Variants in PLA2R1 observed in about 807,000 individuals in gnomAD.
PLA2R1 encodes phospholipase A2 receptor 1, also known as secretory phospholipase A2 receptor.
PLA2R1 carries 158 observed loss-of-function variants against 195.9 expected under a neutral mutation model. That is an observed-to-expected ratio of 0.81 (90% CI 0.71 to 0.92). The LOEUF (loss-of-function observed/expected upper bound fraction) is 0.92, where lower values mean the gene tolerates loss of function less well. PLA2R1 is among the 40% of genes least tolerant of loss of function. The pLI is 0.00. For synonymous variants in PLA2R1, 586 were observed against 598.2 expected (o/e 0.98, Z 0.30); for missense variants, 1,626 against 1,764.6 (o/e 0.92, Z 1.41).
intron 1 of PLA2R1, among the ~76,000 whole-genome samples, chr2:160,047,746 T>C (rs1303613351): frequency 6.6e-6 from 1 of 152,156 alleles, no homozygotes; most frequent in Non-Finnish European, 1.5e-5. Flanking sequence ...TGACAAGCAG[T>C]GTGTAGATGC....
At chr2:160,036,865 A>C (rs1420582664) in intron 3 of PLA2R1, among the ~76,000 whole-genome samples, 2 of 151,442 alleles carry the variant, frequency 1.3e-5, no homozygotes, top group Non-Finnish European at 3.0e-5. Flanking sequence ...CTGACCCTCG[A>C]TGGCTGTGCT....
rs1686889017 is a variant in PLA2R1 at position 159,937,482 on chromosome 2, T to C, written c.*4296A>G. On this transcript the variant is annotated 3_prime_UTR_variant, in exon 30 of 30. Coordinates refer to ENST00000283243, the MANE Select transcript of PLA2R1 (RefSeq NM_007366.5). The stretch of plus-strand genomic sequence containing the variant: ...AACCAATGAGCCAAATAAAAAAAAC[T>C]TCAGAAAAGGTCTGAATTCATTTTT... 6.6e-6 allele frequency: 1 copy of C among 152,170 alleles called. No homozygotes were observed. Among genetic ancestry groups the C allele is most frequent in the South Asian group, 2.1e-4 (1 of 4,828 alleles). 9.4% of individuals were successfully genotyped at this position (152,170 alleles called of 1,614,324 possible). A position where few individuals can be genotyped will look rare whatever the true frequency, so the allele number is the denominator to read the frequency against.
At chr2:159,963,870 C>T (rs943372664) in intron 20 of PLA2R1, among the ~76,000 whole-genome samples, 6 of 152,166 alleles carry the variant, frequency 3.9e-5, no homozygotes, top group Middle Eastern at 3.4e-3. Context: ...CAATTCTATT[C>T]GTAGGTATAC....
In PLA2R1 at chr2:160,005,724, C is replaced by T. The variant is rs762307304; in HGVS notation, c.1762G>A (p.Glu588Lys). 3 of 1,613,788 alleles carry T rather than the reference C, an allele frequency of 1.9e-6. No individual in the cohort carries two copies. The highest frequency in any genetic ancestry group is 2.2e-5 in the South Asian group (2 of 91,074). ...TGCCCTACTGGCTTCCAAGTGTATT[C>T]TCCCGTATCATTTTGGTCCTGAAGA... ...IALQDQNDTGEYTWKPVGQKP... is the reference protein window; with the variant it reads ...IALQDQNDTGKYTWKPVGQKP... The change falls in exon 11 of 30, where the codon GAA (glutamate) becomes AAA (lysine). Residue 588 changes from glutamate (E) to lysine (K), a missense_variant. Glu to Lys is a moderately conservative substitution (Grantham distance 56). Coordinates refer to ENST00000283243, the MANE Select transcript of PLA2R1 (RefSeq NM_007366.5).
intron 14 of PLA2R1, among the ~76,000 whole-genome samples, chr2:159,978,589 G>C (rs575395166): frequency 2.6e-5 from 4 of 152,254 alleles, no homozygotes; most frequent in African/African-American, 9.6e-5. Flanking sequence ...ACAAAAGAAA[G>C]TGTTCTCAAC....
chr2:160,047,157 C>T (rs1694919725), intron 1 of PLA2R1, among the ~76,000 whole-genome samples: 1 of 152,150 alleles, frequency 6.6e-6, no homozygotes, highest in Admixed American at 6.5e-5. Flanking sequence ...GCTCTGGAGT[C>T]ACGTGGAGCT....
intron 3 of PLA2R1, among the ~76,000 whole-genome samples, chr2:160,036,182 C>A (rs539639452): frequency 1.4e-4 from 22 of 152,316 alleles, no homozygotes; most frequent in African/African-American, 4.8e-4. Flanking sequence ...TACATAGAGA[C>A]CATTACATCT....
intron 11 of PLA2R1, among the ~76,000 whole-genome samples, chr2:159,999,347 ATTTTTTTTTTT>A (rs916593884): frequency 2.8e-4 from 2 of 7,248 alleles, no homozygotes; most frequent in Non-Finnish European, 4.3e-4. Context: ...ACATTACGTA[ATTTTTTTTTTT>A]TTTTTTTTTT....
chr2:159,991,943 T>G (rs575886530), intron 11 of PLA2R1, among the ~76,000 whole-genome samples: 1 of 116,000 alleles, frequency 8.6e-6, no homozygotes. Context: ...TGTGTCTTTA[T>G]AGCAGCATGA....
chr2:159,972,130 T>C (rs975453371), intron 17 of PLA2R1, among the ~76,000 whole-genome samples: 1 of 152,158 alleles, frequency 6.6e-6, no homozygotes, highest in African/African-American at 2.4e-5. Flanking sequence ...AGAGAAATTA[T>C]AACTGCTGCA....
At chr2:159,929,199 A>T (rs1410729603), downstream of PLA2R1, among the ~76,000 whole-genome samples, 2 of 152,264 alleles carry the variant, frequency 1.3e-5, no homozygotes, top group Non-Finnish European at 2.9e-5. Context: ...AGAAACAATC[A>T]GCAGAGTACA....
At position 160,043,672 on chromosome 2, in the gene PLA2R1, C is replaced by T. The variant is rs577847292; in HGVS notation, c.493+1102G>A. On this transcript the variant is annotated intron_variant, in intron 2 of 29. Coordinates refer to ENST00000283243, the MANE Select transcript of PLA2R1 (RefSeq NM_007366.5). ...TCCCCAGAATCTTCCCCTGCATGCA[C>T]CATGAGTGTGGGTATGTGGCTAAAA... is the stretch of plus-strand genomic sequence containing the variant. Among the ~76,000 whole-genome samples the T allele has an allele frequency of 5.3e-5, 8 of 152,278 alleles. No homozygotes were observed. The South Asian group carries it at 1.7e-3, about 32-fold the overall frequency.
intron 24 of PLA2R1, among the ~76,000 whole-genome samples, chr2:159,949,987 G>A (rs1687640249): frequency 6.6e-6 from 1 of 152,178 alleles, no homozygotes; most frequent in Non-Finnish European, 1.5e-5. Flanking sequence ...TTGGCTCCCT[G>A]CCACAATGAT....
chr2:160,031,125 T>C (rs1196242911), intron 4 of PLA2R1, among the ~76,000 whole-genome samples: 1 of 152,212 alleles, frequency 6.6e-6, no homozygotes, highest in African/African-American at 2.4e-5. Flanking sequence ...TGCTCATTCA[T>C]TTCTTACAAT....
rs540483678 is a variant in PLA2R1 at position 160,020,500 on chromosome 2, T to C, written c.1295-237A>G. Among the ~76,000 whole-genome samples the C allele has an allele frequency of 5.3e-5, 8 of 152,222 alleles. No homozygotes were observed. In the East Asian group the frequency reaches 1.5e-3, roughly 29 times the overall value. ...GGTTGAAACTTAATCCCCAGTGTGG[T>C]AGTATTGAGAAGGAGGCCTCTAAGG... On this transcript the variant is annotated intron_variant, in intron 7 of 29. Transcript: ENST00000283243.
In PLA2R1 at chr2:160,005,704, T is replaced by G. The variant is rs1402624598; in HGVS notation, c.1782A>C (p.Val594=). ...ACTGCACCGGCTCGGGTTTCTGCCCTACTGGCTTCCAAGTGTATTCTCCCG... is the reference window on the plus strand; with the variant it reads ...ACTGCACCGGCTCGGGTTTCTGCCCGACTGGCTTCCAAGTGTATTCTCCCG... ...NDTGEYTWKP[V]GQKPEPVQYT... is the part of the protein sequence containing the mutation. The change falls in exon 11 of 30, where the codon GTA becomes GTC. Residue 594 remains valine (V), a synonymous_variant. Transcript: ENST00000283243. 2.5e-6 allele frequency: 4 copies of G among 1,613,956 alleles called. No homozygotes were observed.
intron 6 of PLA2R1, among the ~76,000 whole-genome samples, chr2:160,026,465 G>A (rs1693530619): frequency 6.6e-6 from 1 of 152,184 alleles, no homozygotes; most frequent in African/African-American, 2.4e-5. Flanking sequence ...AGTCTTGAGT[G>A]TCCACGATGT....
intron 11 of PLA2R1, among the ~76,000 whole-genome samples, chr2:160,000,273 C>T (rs1691504822): frequency 6.6e-6 from 1 of 152,200 alleles, no homozygotes; most frequent in Non-Finnish European, 1.5e-5. Flanking sequence ...AAACTTGTCT[C>T]TGTCAATCTT....
At chr2:159,950,258 T>C (rs778791998) in intron 24 of PLA2R1, among the ~76,000 whole-genome samples, 4 of 152,178 alleles carry the variant, frequency 2.6e-5, no homozygotes, top group Non-Finnish European at 5.9e-5. Flanking sequence ...GAAATATCAT[T>C]CATTTATCTC....
Sources: allele counts gnomAD v4.1 joint callset (sites outside exome capture counted in the v4.1 genomes callset), GRCh38; gene constraint gnomAD v4.1.1; transcripts MANE v1.5; gene names NCBI Gene and HGNC (gene_info 2026-07-23, HGNC 2026-07-21).